CNTNAP2: variants seen among roughly 807,000 people sequenced by gnomAD.
CNTNAP2 encodes the protein contactin-associated protein-like 2.
Under a neutral mutation model 155.2 loss-of-function variants are expected in CNTNAP2, and 98 were observed. The ratio of observed to expected loss-of-function variants is 0.63; its 90% CI spans 0.54 to 0.75. CNTNAP2 has a LOEUF of 0.75. Among genes scored for constraint, CNTNAP2 ranks in the 30% least tolerant of loss-of-function variants. The pLI is 0.00. For missense variants in CNTNAP2, 1,727 were observed against 1,688.1 expected (o/e 1.02, Z -0.40); for synonymous variants, 651 against 631.2 (o/e 1.03, Z -0.47).
intron 3 of CNTNAP2, among the ~76,000 whole-genome samples, chr7:146,905,887 C>G (rs376121952): frequency 1.3e-5 from 2 of 152,190 alleles, no homozygotes; most frequent in Admixed American, 6.5e-5. Flanking sequence ...TCTGAGGTAC[C>G]GGGTTCATCT....
chr7:147,108,448 G>C lies in CNTNAP2; in HGVS notation c.754+98G>C, dbSNP rs922691185. 3 of 1,050,008 alleles carry C rather than the reference G, an allele frequency of 2.9e-6. No individual in the cohort carries two copies. In the East Asian group the frequency reaches 7.8e-5, roughly 27 times the overall value. The allele number at this position is 1,050,008 out of a possible 1,614,324, so 65.0% of individuals were successfully genotyped here. ...TTCTTTAAAATGTAAATTATAAAAA[G>C]AGCTCATGTTATATTTCAATTCATA... is the stretch of plus-strand genomic sequence containing the variant. On this transcript the variant is annotated intron_variant, in intron 5 of 23. Coordinates refer to ENST00000361727, the MANE Select transcript of CNTNAP2 (RefSeq NM_014141.6).
rs187520082 is a variant in CNTNAP2, at chr7:147,534,458, G to A, written c.1778-27680G>A. On this transcript the variant is annotated intron_variant, in intron 11 of 23. Transcript: ENST00000361727. ...GCCTCCTTAGGATACAGAAGAATAAGCCAGTAGTACCCTTACACGGAACAG... is the reference window on the plus strand; with the variant it reads ...GCCTCCTTAGGATACAGAAGAATAAACCAGTAGTACCCTTACACGGAACAG... Among the ~76,000 whole-genome samples the A allele has an allele frequency of 1.5e-3, 233 of 152,208 alleles. 1 individual carries two copies. The highest frequency in any genetic ancestry group is 3.0e-3 in the Admixed American group (46 of 15,300).
intron 3 of CNTNAP2, among the ~76,000 whole-genome samples, chr7:146,842,319 G>A (rs1171680748): frequency 1.3e-5 from 2 of 152,066 alleles, no homozygotes; most frequent in African/African-American, 4.8e-5. Flanking sequence ...GGTGATAAAG[G>A]TGCATTTCTA....
chr7:147,975,817 A>T (rs932308290), intron 14 of CNTNAP2, among the ~76,000 whole-genome samples: 5 of 152,148 alleles, frequency 3.3e-5, no homozygotes, highest in Non-Finnish European at 7.3e-5. Context: ...AACTTGATTG[A>T]GTTACACAAC....
intron 1 of CNTNAP2, among the ~76,000 whole-genome samples, chr7:146,448,680 T>A (rs1796436261): frequency 6.6e-6 from 1 of 152,120 alleles, no homozygotes; most frequent in East Asian, 1.9e-4. Flanking sequence ...TGGTTGTATC[T>A]TACCAAACTA....
intron 21 of CNTNAP2, among the ~76,000 whole-genome samples, chr7:148,334,719 C>T (rs144207422): frequency 6.9e-4 from 105 of 152,312 alleles, no homozygotes; most frequent in African/African-American, 2.2e-3. Context: ...CTGCCACTGC[C>T]ATGATACCCA....
intron 13 of CNTNAP2, among the ~76,000 whole-genome samples, chr7:147,770,336 G>A (rs1797451052): frequency 6.6e-6 from 1 of 152,112 alleles, no homozygotes; most frequent in Non-Finnish European, 1.5e-5. Context: ...CTGCACCATA[G>A]GTTTCCCTCT....
At chr7:147,793,598 T>C (rs959797517) in intron 13 of CNTNAP2, among the ~76,000 whole-genome samples, 2 of 152,074 alleles carry the variant, frequency 1.3e-5, no homozygotes, top group Non-Finnish European at 2.9e-5. Flanking sequence ...AATTGGAAAG[T>C]GTGAGTCCTC....
intron 1 of CNTNAP2, among the ~76,000 whole-genome samples, chr7:146,404,139 A>AAAAAAAC (rs58435059): frequency 2.0e-5 from 3 of 147,428 alleles, no homozygotes; most frequent in Non-Finnish European, 3.0e-5. Context: ...AAAAAAAAAA[A>AAAAAAAC]AAACAAAGAA....
intron 22 of CNTNAP2, among the ~76,000 whole-genome samples, chr7:148,395,792 GA>G (rs1457424601): frequency 2.0e-5 from 3 of 152,084 alleles, no homozygotes. Flanking sequence ...TCTTAACCAG[GA>G]TCACTTAACT....
At chr7:147,279,923 T>C (rs1423412257) in intron 8 of CNTNAP2, among the ~76,000 whole-genome samples, 2 of 151,896 alleles carry the variant, frequency 1.3e-5, no homozygotes, top group African/African-American at 4.8e-5. Flanking sequence ...GTCAGATAGG[T>C]GGACGGCCTA....
intron 15 of CNTNAP2, among the ~76,000 whole-genome samples, chr7:148,012,107 G>C (rs1006897970): frequency 6.6e-6 from 1 of 152,106 alleles, no homozygotes; most frequent in African/African-American, 2.4e-5. Context: ...TGTTTAAGAG[G>C]GGATGTTGCT....
intron 18 of CNTNAP2, among the ~76,000 whole-genome samples, chr7:148,193,475 C>T (rs1220081914): frequency 1.3e-5 from 2 of 152,172 alleles, no homozygotes; most frequent in Non-Finnish European, 2.9e-5. Flanking sequence ...ATGAAATACA[C>T]ATTTTCATAA....
chr7:146,473,458 G>A (rs866055175), intron 1 of CNTNAP2, among the ~76,000 whole-genome samples: 1 of 151,488 alleles, frequency 6.6e-6, no homozygotes, highest in East Asian at 1.9e-4. Flanking sequence ...CTTCAAAACA[G>A]CCCACTTCTA....
At chr7:146,557,819 A>G (rs116423230) in intron 1 of CNTNAP2, among the ~76,000 whole-genome samples, 1 of 152,164 alleles carries the variant, frequency 6.6e-6, no homozygotes. Flanking sequence ...TTTACAATTG[A>G]TACATTTATT....
At chr7:147,010,038 A>C (rs2372807) in intron 3 of CNTNAP2, among the ~76,000 whole-genome samples, 54,558 of 140,462 alleles carry the variant, frequency 0.39, 10,474 homozygotes, top group South Asian at 0.46. Flanking sequence ...GAGACAAAGT[A>C]TTGCTCCATC....
At chr7:148,080,116 C>G (rs1803565643) in intron 15 of CNTNAP2, among the ~76,000 whole-genome samples, 1 of 152,190 alleles carries the variant, frequency 6.6e-6, no homozygotes, top group Non-Finnish European at 1.5e-5. Flanking sequence ...CAGCTTCATC[C>G]TGCACCCCAG....
At chr7:147,945,888 A>G (rs1240868378) in intron 14 of CNTNAP2, among the ~76,000 whole-genome samples, 37 of 110,284 alleles carry the variant, frequency 3.4e-4, no homozygotes, top group African/African-American at 1.2e-3. Flanking sequence ...TTTTTTTGAG[A>G]CAGAGTCTTA....
At chr7:148,239,765 G>A (rs1204541308) in intron 20 of CNTNAP2, among the ~76,000 whole-genome samples, 1 of 152,074 alleles carries the variant, frequency 6.6e-6, no homozygotes, top group Non-Finnish European at 1.5e-5. Context: ...TTAAACTCAG[G>A]CCACCTCCAC....
Sources: allele counts gnomAD v4.1 joint callset (sites outside exome capture counted in the v4.1 genomes callset), GRCh38; gene constraint gnomAD v4.1.1; transcripts MANE v1.5; gene names NCBI Gene and HGNC (gene_info 2026-07-23, HGNC 2026-07-21).